The following PSMD14 variants were observed in gnomAD, a reference collection of about 807,000 sequenced individuals.
The protein encoded by PSMD14 is proteasome 26S subunit, non-ATPase 14, also known as ubiquitin C-terminal hydrolase PSMD14.
PSMD14 carries 7 observed loss-of-function variants against 41.2 expected under a neutral mutation model. That is an observed-to-expected ratio of 0.17 (90% confidence interval 0.10 to 0.32). The LOEUF (loss-of-function observed/expected upper bound fraction) is 0.32. Ranked by LOEUF, PSMD14 falls within the 10% of genes least tolerant of loss-of-function variation. PSMD14 has a pLI of 1.00. For synonymous variants in PSMD14, 114 were observed against 122.3 expected (o/e 0.93, Z 0.45); for missense variants, 139 against 375.6 (o/e 0.37, Z 5.21).
At chr2:161,366,505 A>C (rs1165227480) in intron 3 of PSMD14, among the ~76,000 whole-genome samples, 1 of 152,150 alleles carries the variant, frequency 6.6e-6, no homozygotes, top group African/African-American at 2.4e-5. Context: ...TAAATGGGAG[A>C]GAGAACATGG....
At chr2:161,341,344 G>GTGCCGGCCAGC (rs1682958577) in intron 3 of PSMD14, 1 of 1,008,264 alleles carries the variant, frequency 9.9e-7, no homozygotes, top group Non-Finnish European at 1.2e-6. Flanking sequence ...CGGCCGCCGA[G>GTGCCGGCCAGC]TGCCGGCCAG....
At chr2:161,388,736 T>A (rs1559052685) in intron 8 of PSMD14, among the ~76,000 whole-genome samples, 2 of 152,282 alleles carry the variant, frequency 1.3e-5, no homozygotes, top group Middle Eastern at 6.8e-3. Context: ...CAAGCACACC[T>A]TTTTAAGGAG....
At chr2:161,369,804 G>T (rs12467117) in intron 5 of PSMD14, among the ~76,000 whole-genome samples, 10,051 of 151,998 alleles carry the variant, frequency 0.066, 455 homozygotes, top group East Asian at 0.15. Context: ...GCCTAAATAG[G>T]TCTAACCAAT....
chr2:161,371,057 C>T (rs1233834898), intron 6 of PSMD14, 115 bp from the exon 7 acceptor site: 3 of 1,183,966 alleles, frequency 2.5e-6, no homozygotes, highest in African/African-American at 1.5e-5. Context: ...CTTTTTCACA[C>T]CTGTGTGTTT....
intron 3 of PSMD14, among the ~76,000 whole-genome samples, chr2:161,365,639 A>C (rs564722464): frequency 6.6e-6 from 1 of 152,170 alleles, no homozygotes; most frequent in East Asian, 1.9e-4. Flanking sequence ...TAATTTTATG[A>C]ATACAGTGTT....
At chr2:161,321,153 A>G (rs1029296401) in intron 3 of PSMD14, among the ~76,000 whole-genome samples, 1 of 152,244 alleles carries the variant, frequency 6.6e-6, no homozygotes, top group Non-Finnish European at 1.5e-5. Context: ...TCCAAAAATC[A>G]GTGGGAAATG....
Position 161,389,889 on chromosome 2 carries a change from G to GTTGTTTTTTTTTTTT in PSMD14, c.571-1213_571-1212insGTTTTTTTTTTTTTT. On this transcript the variant is annotated intron_variant, in intron 8 of 11. Coordinates refer to ENST00000409682, the MANE Select transcript of PSMD14 (RefSeq NM_005805.6). ...TGTCTTATTTTCTTTCTTTTTTGTT[G>GTTGTTTTTTTTTTTT]TTTTTTTTTTTTTTTTTTTTTTTAG... Among the ~76,000 whole-genome samples the GTTGTTTTTTTTTTTT allele has an allele frequency of 9.4e-3, 189 of 20,044 alleles. 60 individuals are homozygous for GTTGTTTTTTTTTTTT. The highest frequency in any genetic ancestry group is 0.051 in the East Asian group (23 of 454). 13.1% of individuals were successfully genotyped at this position (20,044 alleles called of 152,430 possible).
At chr2:161,368,914 A>C (rs1035299353) in intron 5 of PSMD14, among the ~76,000 whole-genome samples, 2 of 152,000 alleles carry the variant, frequency 1.3e-5, no homozygotes, top group African/African-American at 4.8e-5. Context: ...AATAATGTAA[A>C]GTTTTCTCTA....
chr2:161,409,485 A>C (rs1289479567), intron 11 of PSMD14: 1 of 152,384 alleles, frequency 6.6e-6, no homozygotes, highest in Non-Finnish European at 1.5e-5. Context: ...ATTTCATGGA[A>C]CATGGTTATC....
At position 161,319,270 on chromosome 2, in the gene PSMD14, T is replaced by C. The variant is rs1308777490; in HGVS notation, c.48+397T>C. Among the ~76,000 whole-genome samples the C allele has an allele frequency of 5.3e-5, 8 of 152,076 alleles. 1 individual carries two copies. The highest frequency in any genetic ancestry group is 1.9e-4 in the African/African-American group (8 of 41,426). ...ATCCAGAAAACTGACCCATAGAATG[T>C]TTATATGTACAGTCTTAACACTGGT... is the stretch of plus-strand genomic sequence containing the variant. On this transcript the variant is annotated intron_variant, in intron 3 of 11. Transcript: ENST00000409682.
At chr2:161,342,917 T>C (rs1259455940) in intron 3 of PSMD14, among the ~76,000 whole-genome samples, 1 of 152,226 alleles carries the variant, frequency 6.6e-6, no homozygotes, top group Non-Finnish European at 1.5e-5. Context: ...TACCATAGTC[T>C]ACCTTCAAGT....
intron 1 of PSMD14, among the ~76,000 whole-genome samples, chr2:161,312,142 G>T (rs1689095070): frequency 6.6e-6 from 1 of 151,320 alleles, no homozygotes; most frequent in African/African-American, 2.4e-5. Flanking sequence ...AGTCTGAAAA[G>T]TAATTTTTTT....
At chr2:161,337,144 G>A (rs973365861) in intron 3 of PSMD14, among the ~76,000 whole-genome samples, 4 of 152,170 alleles carry the variant, frequency 2.6e-5, no homozygotes, top group African/African-American at 7.2e-5. Context: ...AGAGGGAAAC[G>A]TGCTTTGTTT....
intron 3 of PSMD14, among the ~76,000 whole-genome samples, chr2:161,348,621 A>G (rs560519806): frequency 6.6e-6 from 1 of 152,234 alleles, no homozygotes; most frequent in Non-Finnish European, 1.5e-5. Context: ...GATTGTTTTT[A>G]TGTACAATTT....
At chr2:161,357,054 A>ATGC (rs1226439279) in intron 3 of PSMD14, among the ~76,000 whole-genome samples, 1 of 110,588 alleles carries the variant, frequency 9.0e-6, no homozygotes, top group Non-Finnish European at 1.8e-5. Flanking sequence ...ATTAGTTTTT[A>ATGC]TGCTGTTATA....
intron 3 of PSMD14, among the ~76,000 whole-genome samples, chr2:161,342,998 T>C (rs1682987896): frequency 6.6e-6 from 1 of 152,234 alleles, no homozygotes; most frequent in South Asian, 2.1e-4. Context: ...TGGACCTTTG[T>C]GCTATATGTT....
chr2:161,350,261 C>T (rs1683099834), intron 3 of PSMD14, among the ~76,000 whole-genome samples: 1 of 152,088 alleles, frequency 6.6e-6, no homozygotes, highest in Admixed American at 6.5e-5. Flanking sequence ...GATAAGTAAC[C>T]ATTAATTTTT....
At chr2:161,309,986 C>A (rs778422679) in intron 1 of PSMD14, among the ~76,000 whole-genome samples, 6 of 151,980 alleles carry the variant, frequency 3.9e-5, no homozygotes, top group Non-Finnish European at 8.8e-5. Context: ...TAGTGAAAAC[C>A]CGTCTCTACT....
intron 5 of PSMD14, 60 bp downstream of exon 5, chr2:161,367,963 C>A: frequency 6.5e-7 from 1 of 1,527,574 alleles, no homozygotes; most frequent in Admixed American, 2.0e-5. Flanking sequence ...TTTTCTTTTC[C>A]TATGCAAACT....
Sources: gnomAD v4.1 joint callset for allele counts (sites outside exome capture counted in the v4.1 genomes callset) on GRCh38, gnomAD v4.1.1 for gene constraint, MANE v1.5 for transcripts, NCBI Gene and HGNC (gene_info 2026-07-23, HGNC 2026-07-21) for gene names.